Variants in MTHFD2L observed in about 807,000 individuals in gnomAD.
MTHFD2L encodes bifunctional methylenetetrahydrofolate dehydrogenase/cyclohydrolase 2, mitochondrial.
Under a neutral mutation model 34.9 loss-of-function variants are expected in MTHFD2L, and 29 were observed. The observed-to-expected ratio is 0.83, with a 90% confidence interval of 0.62 to 1.13. The LOEUF (loss-of-function observed/expected upper bound fraction) is 1.13. Among genes scored for constraint, MTHFD2L ranks in the 50% most tolerant of loss-of-function variants. MTHFD2L has a pLI of 0.00. For missense variants in MTHFD2L, 481 were observed against 446.5 expected (o/e 1.08, Z -0.70); for synonymous variants, 167 against 155.7 (o/e 1.07, Z -0.54).
upstream of MTHFD2L, chr4:74,157,712 C>T (rs572153032): frequency 1.7e-5 from 8 of 460,232 alleles, no homozygotes; most frequent in East Asian, 4.1e-4. Flanking sequence ...TACTTCTTTC[C>T]TGCTTTAAAT....
At chr4:74,124,991 T>G (rs981773751), upstream of MTHFD2L, among the ~76,000 whole-genome samples, 2 of 152,116 alleles carry the variant, frequency 1.3e-5, no homozygotes, top group African/African-American at 2.4e-5. Flanking sequence ...TGACATCTGG[T>G]TAGTTTTAGC....
intron 1 of MTHFD2L, among the ~76,000 whole-genome samples, chr4:74,137,729 G>A (rs1270004099): frequency 6.6e-6 from 1 of 152,140 alleles, no homozygotes; most frequent in African/African-American, 2.4e-5. Flanking sequence ...TGGAGGAATG[G>A]ATAAAGAAAA....
At position 74,184,289 on chromosome 4, in the gene MTHFD2L, C is replaced by T. The variant is rs1730729917; in HGVS notation, c.451+8886C>T. 3.3e-5 allele frequency among the ~76,000 whole-genome samples: 5 copies of T among 152,090 alleles called. 1 individual carries two copies. The highest frequency in any genetic ancestry group is 3.3e-4 in the Admixed American group (5 of 15,274). The stretch of plus-strand genomic sequence containing the variant: ...GTATGTTGCTTACATGAAACTACAC[C>T]TTAACTATAAGGACACAGGGAGGTT... On this transcript the variant is annotated intron_variant, in intron 3 of 7. Coordinates refer to ENST00000325278, the MANE Select transcript of MTHFD2L (RefSeq NM_001144978.3).
upstream of MTHFD2L, among the ~76,000 whole-genome samples, chr4:74,123,913 G>T (rs1721892062): frequency 1.3e-5 from 2 of 152,078 alleles, no homozygotes; most frequent in African/African-American, 4.8e-5. Context: ...AATTATTTAG[G>T]TTCTATCTCT....
At chr4:74,197,675 A>G (rs985385271) in intron 3 of MTHFD2L, among the ~76,000 whole-genome samples, 3 of 152,170 alleles carry the variant, frequency 2.0e-5, no homozygotes, top group African/African-American at 7.2e-5. Context: ...CTTAGTAGTG[A>G]TTTGAGATTG....
chr4:74,131,912 A>C (rs1722536889), intron 1 of MTHFD2L, among the ~76,000 whole-genome samples: 1 of 152,240 alleles, frequency 6.6e-6, no homozygotes, highest in Admixed American at 6.5e-5. Flanking sequence ...ATGCCCATCA[A>C]AAAGTGGGTG....
chr4:74,205,149 C>T (rs1578458759), intron 5 of MTHFD2L, among the ~76,000 whole-genome samples: 1 of 152,036 alleles, frequency 6.6e-6, no homozygotes, highest in African/African-American at 2.4e-5. Flanking sequence ...TTTTTAGTCT[C>T]ATGCATATTT....
intron 6 of MTHFD2L, among the ~76,000 whole-genome samples, chr4:74,277,261 TTA>T (rs1289467785): frequency 6.6e-6 from 1 of 151,886 alleles, no homozygotes; most frequent in Non-Finnish European, 1.5e-5. Context: ...GAATGGAGTC[TTA>T]TCTGTGCTTG....
intron 3 of MTHFD2L, among the ~76,000 whole-genome samples, chr4:74,182,527 C>T (rs1730390464): frequency 6.6e-6 from 1 of 152,140 alleles, no homozygotes; most frequent in African/African-American, 2.4e-5. Flanking sequence ...TTCAAACATA[C>T]AAGGGCTGAG....
chr4:74,199,820 A>C lies in MTHFD2L; in HGVS notation c.478A>C (p.Asn160His), dbSNP rs1481754207. The change falls in exon 4 of 8, where the codon AAT becomes CAT. Residue 160 changes from asparagine to histidine, a missense_variant. Coordinates refer to ENST00000325278, the MANE Select transcript of MTHFD2L (RefSeq NM_001144978.3). ...CCACGTTGATGAGCGAACAATATGC[A>C]ATGGAATTGCCCCAGAAAAAGATGT... ...PDHVDERTICNGIAPEKDVDG... is the reference protein window; with the variant it reads ...PDHVDERTICHGIAPEKDVDG... The C allele has an allele frequency of 1.9e-6, 3 of 1,613,152 alleles. No homozygotes were observed. The highest frequency in any genetic ancestry group is 3.3e-5 in the Admixed American group (2 of 59,976).
At chr4:74,122,013 G>C (rs1159051643), upstream of MTHFD2L, among the ~76,000 whole-genome samples, 2 of 151,898 alleles carry the variant, frequency 1.3e-5, no homozygotes, top group African/African-American at 4.8e-5. Flanking sequence ...ATAAATTCCT[G>C]TTGTGTAAGC....
At chr4:74,178,065 T>A (rs1165689761) in intron 3 of MTHFD2L, among the ~76,000 whole-genome samples, 2 of 151,250 alleles carry the variant, frequency 1.3e-5, no homozygotes, top group East Asian at 3.9e-4. Flanking sequence ...AAACATAGAG[T>A]TAATGGTGGT....
Position 74,199,818 on chromosome 4 carries a change from G to A in MTHFD2L, c.476G>A (p.Cys159Tyr). The A allele has an allele frequency of 3.1e-6, 5 of 1,612,430 alleles. No homozygotes were observed. Among genetic ancestry groups the A allele is most frequent in the Non-Finnish European group, 4.2e-6 (5 of 1,179,040 alleles). ...LPDHVDERTI[C>Y]NGIAPEKDVD... ...GACCACGTTGATGAGCGAACAATAT[G>A]CAATGGAATTGCCCCAGAAAAAGAT... Residue 159 changes from cysteine to tyrosine, a missense_variant, in exon 4 of 8, where the codon TGC becomes TAC. Transcript: ENST00000325278.
At chr4:74,249,657 C>G (rs931143487) in intron 6 of MTHFD2L, among the ~76,000 whole-genome samples, 1 of 152,030 alleles carries the variant, frequency 6.6e-6, no homozygotes, top group Non-Finnish European at 1.5e-5. Context: ...CCTTCAGGAG[C>G]TCTTTTAGGG....
chr4:74,143,404 A>G (rs1304815380), intron 1 of MTHFD2L: 1 of 985,410 alleles, frequency 1.0e-6, no homozygotes, highest in Non-Finnish European at 1.2e-6. Context: ...CTGGTGCAGC[A>G]TGGAAACACG....
rs767868579 is a variant in MTHFD2L at position 74,199,812 on chromosome 4, C to G, written c.470C>G (p.Thr157Arg). The change falls in exon 4 of 8, where the codon ACA becomes AGA. Residue 157 changes from threonine to arginine, a missense_variant. Transcript: ENST00000325278. ...TTTTCAGACCACGTTGATGAGCGAA[C>G]AATATGCAATGGAATTGCCCCAGAA... is the stretch of plus-strand genomic sequence containing the variant. ...LPLPDHVDER[T>R]ICNGIAPEKD... is the part of the protein sequence containing the mutation. 9 of 1,611,074 alleles carry G rather than the reference C, an allele frequency of 5.6e-6. No homozygotes were observed. The highest frequency in any genetic ancestry group is 7.6e-6 in the Non-Finnish European group (9 of 1,178,464).
At chr4:74,270,307 T>C (rs1745798156) in intron 6 of MTHFD2L, among the ~76,000 whole-genome samples, 2 of 151,956 alleles carry the variant, frequency 1.3e-5, no homozygotes, top group Non-Finnish European at 2.9e-5. Context: ...TCTCATAATG[T>C]TTTCCCTCCC....
At position 74,211,499 on chromosome 4, in the gene MTHFD2L, T is replaced by C. The variant is rs144245994; in HGVS notation, c.712+10129T>C. ...GATGGATTCCGTTTGTTGATTTGCA[T>C]GTATTGAACCAGCCTTGCATCCCAG... On this transcript the variant is annotated intron_variant, in intron 5 of 7. Transcript: ENST00000325278. Among the ~76,000 whole-genome samples the C allele has an allele frequency of 3.8e-3, 582 of 152,316 alleles. 1 individual carries two copies. Among genetic ancestry groups the C allele is most frequent in the Non-Finnish European group, 6.9e-3 (467 of 68,028 alleles).
intron 1 of MTHFD2L, among the ~76,000 whole-genome samples, chr4:74,140,281 G>A (rs985014096): frequency 6.6e-6 from 1 of 152,004 alleles, no homozygotes; most frequent in Non-Finnish European, 1.5e-5. Context: ...CTCCAGCCTG[G>A]GCAACAGAGT....
Sources: allele counts gnomAD v4.1 joint callset (sites outside exome capture counted in the v4.1 genomes callset), GRCh38; gene constraint gnomAD v4.1.1; transcripts MANE v1.5; gene names NCBI Gene and HGNC (gene_info 2026-07-23, HGNC 2026-07-21).